DRC8: variants seen among roughly 807,000 people sequenced by gnomAD.
The protein encoded by DRC8 is dynein regulatory complex subunit 8.
the DRC8 span, among the ~76,000 whole-genome samples, chr1:245,110,544 G>T: frequency 1.3e-5 from 2 of 152,270 alleles, no homozygotes; most frequent in African/African-American, 4.8e-5. Flanking sequence ...GGGCAGGAAA[G>T]AAATAAGAAC....
the DRC8 span, among the ~76,000 whole-genome samples, chr1:245,113,192 C>T: frequency 0.17 from 26,270 of 152,124 alleles, 2,348 homozygotes; most frequent in Middle Eastern, 0.28. Flanking sequence ...AAAGTTTCCC[C>T]CCTAAGAGCT....
the DRC8 span, chr1:245,059,451 T>C: frequency 2.5e-6 from 4 of 1,612,724 alleles, no homozygotes; most frequent in Non-Finnish European, 3.4e-6. Flanking sequence ...CATGATCTGA[T>C]TGCAGAGGTG....
At chr1:245,003,867 A>C in the DRC8 span, among the ~76,000 whole-genome samples, 1 of 151,916 alleles carries the variant, frequency 6.6e-6, no homozygotes. Context: ...GCCTCCCAAA[A>C]TGCTGGGATT....
the DRC8 span, chr1:245,059,468 G>A: frequency 6.2e-7 from 1 of 1,608,814 alleles, no homozygotes; most frequent in Non-Finnish European, 8.5e-7. Context: ...GGTGAGTACG[G>A]CGAAAAGGTT....
the DRC8 span, among the ~76,000 whole-genome samples, chr1:245,094,363 A>G: frequency 6.6e-6 from 1 of 152,156 alleles, no homozygotes; most frequent in East Asian, 1.9e-4. Context: ...TCAGTTTTTG[A>G]GGACTGGTGT....
the DRC8 span, among the ~76,000 whole-genome samples, chr1:245,070,596 G>C: frequency 6.6e-6 from 1 of 152,224 alleles, no homozygotes; most frequent in Non-Finnish European, 1.5e-5. Context: ...ATGGTAGTAA[G>C]CAGTTAGATT....
chr1:245,082,809 A>G, the DRC8 span, among the ~76,000 whole-genome samples: 1 of 152,010 alleles, frequency 6.6e-6, no homozygotes, highest in African/African-American at 2.4e-5. Flanking sequence ...GGTTCAAGCA[A>G]TTCTCCTGCC....
chr1:245,060,956 A>G, the DRC8 span, among the ~76,000 whole-genome samples: 4 of 152,260 alleles, frequency 2.6e-5, no homozygotes, highest in Admixed American at 2.6e-4. Context: ...TTTCCTGACT[A>G]CAAGGGCAGA....
the DRC8 span, among the ~76,000 whole-genome samples, chr1:245,089,282 T>C: frequency 2.6e-5 from 4 of 152,036 alleles, no homozygotes; most frequent in South Asian, 2.1e-4. The surrounding 1 kb of genome is among the most constrained non-coding windows in gnomAD (Gnocchi z 4.8). Flanking sequence ...CAATAATCAA[T>C]TGGATATAGG....
chr1:244,972,009 G>A, the DRC8 span, among the ~76,000 whole-genome samples: 1 of 147,780 alleles, frequency 6.8e-6, no homozygotes, highest in African/African-American at 2.5e-5. Context: ...AGGTAATTAT[G>A]GATATTTATT....
the DRC8 span, among the ~76,000 whole-genome samples, chr1:245,018,140 T>C: frequency 6.9e-6 from 1 of 145,574 alleles, no homozygotes; most frequent in African/African-American, 2.6e-5. Context: ...GGCAGAAGAA[T>C]CACTTGTACC....
chr1:245,093,723 G>T, the DRC8 span, among the ~76,000 whole-genome samples: 1 of 150,534 alleles, frequency 6.6e-6, no homozygotes, highest in South Asian at 2.1e-4. Context: ...GAAAGAAAAA[G>T]AAAAGAAAAG....
chr1:245,048,291 A>G, the DRC8 span, among the ~76,000 whole-genome samples: 3 of 152,180 alleles, frequency 2.0e-5, no homozygotes, highest in Admixed American at 2.0e-4. Context: ...CAGGGTCTCC[A>G]AGTTTCTGAA....
chr1:245,052,394 G>A, the DRC8 span, among the ~76,000 whole-genome samples: 56 of 152,234 alleles, frequency 3.7e-4, no homozygotes, highest in Non-Finnish European at 6.0e-4. Flanking sequence ...GTGGCTGAGT[G>A]TAGAGGACTG....
At chr1:245,105,687 C>T in the DRC8 span, among the ~76,000 whole-genome samples, 27 of 151,188 alleles carry the variant, frequency 1.8e-4, no homozygotes, top group Middle Eastern at 3.4e-3. Context: ...ATCAACTATT[C>T]GGCTTCTTTG....
the DRC8 span, among the ~76,000 whole-genome samples, chr1:245,000,779 TCA>T: frequency 2.8e-3 from 188 of 66,008 alleles, 1 homozygote; most frequent in South Asian, 0.016. Context: ...AGACTCCATC[TCA>T]AAAAAAAAAA....
chr1:245,027,998 C>T, the DRC8 span, among the ~76,000 whole-genome samples: 1 of 151,946 alleles, frequency 6.6e-6, no homozygotes, highest in African/African-American at 2.4e-5. Context: ...CTCACACGAT[C>T]CTCCTGCCTC....
chr1:245,083,174 G>A, the DRC8 span, among the ~76,000 whole-genome samples: 234 of 152,250 alleles, frequency 1.5e-3, no homozygotes, highest in African/African-American at 5.1e-3. Context: ...AGAAGCATTG[G>A]CATTAGATTA....
the DRC8 span, among the ~76,000 whole-genome samples, chr1:245,030,345 G>A: frequency 1.3e-5 from 2 of 152,162 alleles, no homozygotes; most frequent in African/African-American, 4.8e-5. Context: ...TTGTAAGGAC[G>A]TATTTGGAAA....
Sources: allele counts gnomAD v4.1 joint callset (sites outside exome capture counted in the v4.1 genomes callset), GRCh38; gene constraint gnomAD v4.1.1; non-coding constraint Gnocchi (gnomAD v3.1); transcripts MANE v1.5; gene names NCBI Gene and HGNC (gene_info 2026-07-23, HGNC 2026-07-21).